Variants in RGS6 observed in about 807,000 individuals in gnomAD.
The protein encoded by RGS6 is regulator of G protein signaling 6, also known as regulator of G-protein signaling 6.
Under a neutral mutation model 78.5 loss-of-function variants are expected in RGS6, and 30 were observed. The observed-to-expected ratio is 0.38, with a 90% CI of 0.29 to 0.52. The LOEUF (loss-of-function observed/expected upper bound fraction) is 0.52, where lower values mean the gene tolerates loss of function less well. RGS6 is among the 20% of genes least tolerant of loss of function. The pLI, the probability that RGS6 is intolerant of heterozygous loss-of-function variation, is 0.85. For missense variants in RGS6, 495 were observed against 609.7 expected (o/e 0.81, Z 1.98); for synonymous variants, 206 against 206.0 (o/e 1.00, Z 0.00).
the RGS6 span, among the ~76,000 whole-genome samples, chr14:71,916,280 C>G: frequency 6.6e-6 from 1 of 152,154 alleles, no homozygotes; most frequent in Non-Finnish European, 1.5e-5. Flanking sequence ...GGGCCTGGAC[C>G]TGGCTGGACC....
At chr14:72,130,797 C>T (rs1258386665) in intron 2 of RGS6, among the ~76,000 whole-genome samples, 8 of 152,184 alleles carry the variant, frequency 5.3e-5, no homozygotes, top group Non-Finnish European at 2.9e-5. Flanking sequence ...TCCCCTAGAG[C>T]AGGTTTCTGG....
At chr14:71,927,904 C>T (rs2087741351), upstream of RGS6, among the ~76,000 whole-genome samples, 1 of 152,030 alleles carries the variant, frequency 6.6e-6, no homozygotes, top group Non-Finnish European at 1.5e-5. Flanking sequence ...GTGATCCGCC[C>T]GTCTCGGCCT....
intron 3 of RGS6, among the ~76,000 whole-genome samples, chr14:72,353,045 C>G (rs900268066): frequency 1.3e-5 from 2 of 151,990 alleles, no homozygotes; most frequent in African/African-American, 4.8e-5. Flanking sequence ...TTGACAGTAC[C>G]AAGTGGTGGT....
intron 12 of RGS6, among the ~76,000 whole-genome samples, chr14:72,489,516 G>A (rs2153398160): frequency 6.6e-6 from 1 of 152,306 alleles, no homozygotes; most frequent in South Asian, 2.1e-4. Flanking sequence ...ATGTAATTCA[G>A]TTAAGGATAT....
chr14:72,147,836 T>A (rs149952955), intron 2 of RGS6, among the ~76,000 whole-genome samples: 481 of 152,138 alleles, frequency 3.2e-3, no homozygotes, highest in African/African-American at 0.011. Context: ...ATAACCACTT[T>A]AAAAATTTGA....
At chr14:72,498,827 G>A (rs773664209) in intron 13 of RGS6, among the ~76,000 whole-genome samples, 12 of 152,184 alleles carry the variant, frequency 7.9e-5, no homozygotes, top group South Asian at 2.1e-4. Context: ...TTTGGTTCAC[G>A]GAGTTCCCCG....
intron 2 of RGS6, among the ~76,000 whole-genome samples, chr14:72,203,855 T>C (rs1352770770): frequency 6.8e-6 from 1 of 147,756 alleles, no homozygotes; most frequent in Admixed American, 6.9e-5. Context: ...GACAGAGTCA[T>C]GCTGTGTCAC....
intron 2 of RGS6, among the ~76,000 whole-genome samples, chr14:72,218,911 G>A (rs1212603285): frequency 1.3e-5 from 2 of 151,936 alleles, no homozygotes; most frequent in African/African-American, 4.8e-5. Flanking sequence ...CTCCCAGTCA[G>A]CTTATTTATT....
the RGS6 span, among the ~76,000 whole-genome samples, chr14:72,574,341 G>A: frequency 3.1e-3 from 467 of 151,668 alleles, 8 homozygotes; most frequent in Non-Finnish European, 1.5e-3. Flanking sequence ...GCCTCCTCCC[G>A]CCCCCTCCAC....
At chr14:71,879,915 CAGA>C in the RGS6 span, among the ~76,000 whole-genome samples, 4 of 152,242 alleles carry the variant, frequency 2.6e-5, no homozygotes, top group Non-Finnish European at 4.4e-5. Context: ...TTGGAGGACT[CAGA>C]AGAAGACAGG....
At chr14:71,924,239 A>G in the RGS6 span, among the ~76,000 whole-genome samples, 3 of 151,424 alleles carry the variant, frequency 2.0e-5, no homozygotes, top group South Asian at 2.1e-4. Context: ...GCGATGCGGT[A>G]TTGCTATGTT....
rs139840364 is a variant in RGS6 at position 72,495,230 on chromosome 14, C to T, written c.933C>T (p.Ser311=). Residue 311 remains serine (S), a synonymous_variant, in exon 13 of 18, where the codon AGC becomes AGT. Coordinates refer to ENST00000553525, the MANE Select transcript of RGS6 (RefSeq NM_001204424.2). ...CTGAGCCATCCAACCCTTGGATCAG[C>T]GATGACGTTGCTTTGTGGGACATAG... ...TPAEPSNPWI[S]DDVALWDIEM... 254 of 1,613,128 alleles carry T rather than the reference C, an allele frequency of 1.6e-4. 1 individual carries two copies. Among genetic ancestry groups the T allele is most frequent in the Middle Eastern group, 3.3e-4 (2 of 6,062 alleles).
chr14:71,995,025 CAG>C (rs2095135643), intron 2 of RGS6, among the ~76,000 whole-genome samples: 3 of 152,264 alleles, frequency 2.0e-5, no homozygotes, highest in Admixed American at 6.5e-5. Context: ...GGCCTGATAA[CAG>C]AGTCACCAAA....
chr14:71,941,680 T>C (rs1051571886), intron 1 of RGS6, among the ~76,000 whole-genome samples: 1 of 152,108 alleles, frequency 6.6e-6, no homozygotes, highest in African/African-American at 2.4e-5. Flanking sequence ...CTCTCTCCTT[T>C]TCATGTTTTT....
intron 2 of RGS6, among the ~76,000 whole-genome samples, chr14:72,198,192 C>T (rs920875962): frequency 1.3e-5 from 2 of 152,050 alleles, no homozygotes; most frequent in Non-Finnish European, 2.9e-5. Flanking sequence ...GAAACCCCAT[C>T]TCTACAAAAA....
the RGS6 span, among the ~76,000 whole-genome samples, chr14:72,586,936 C>G: frequency 2.5e-4 from 38 of 152,158 alleles, no homozygotes; most frequent in African/African-American, 8.2e-4. Context: ...ATATTTAACA[C>G]TAAAACAAGA....
intron 2 of RGS6, among the ~76,000 whole-genome samples, chr14:72,271,167 A>G (rs546935809): frequency 6.6e-6 from 1 of 152,178 alleles, no homozygotes; most frequent in Non-Finnish European, 1.5e-5. Context: ...ATCTGTTCTC[A>G]TGCTGCCAAT....
chr14:72,263,655 A>G (rs2058561315), intron 2 of RGS6, among the ~76,000 whole-genome samples: 1 of 152,188 alleles, frequency 6.6e-6, no homozygotes, highest in Non-Finnish European at 1.5e-5. Flanking sequence ...GAGGCTTGAG[A>G]GAGGTCTCTC....
intron 3 of RGS6, among the ~76,000 whole-genome samples, chr14:72,428,496 C>G (rs569529321): frequency 6.6e-6 from 1 of 152,262 alleles, no homozygotes; most frequent in East Asian, 1.9e-4. Context: ...TAGGCTCTCT[C>G]TGAATGTTCG....
Sources: allele counts gnomAD v4.1 joint callset (sites outside exome capture counted in the v4.1 genomes callset), GRCh38; gene constraint gnomAD v4.1.1; transcripts MANE v1.5; gene names NCBI Gene and HGNC (gene_info 2026-07-23, HGNC 2026-07-21).